The following ADAMTS16 variants were observed in gnomAD, a reference collection of about 807,000 sequenced individuals.
The protein encoded by ADAMTS16 is ADAM metallopeptidase with thrombospondin type 1 motif 16, also known as A disintegrin and metalloproteinase with thrombospondin motifs 16.
Under a neutral mutation model 145.8 loss-of-function variants are expected in ADAMTS16, and 94 were observed. The ratio of observed to expected loss-of-function variants is 0.64; its 90% CI spans 0.55 to 0.77. ADAMTS16 has a LOEUF of 0.77. ADAMTS16 is among the 30% of genes least tolerant of loss of function. The probability of loss-of-function intolerance (pLI) is 0.00; values close to 1 mark genes in which losing one functional copy is unlikely to be tolerated. For missense variants in ADAMTS16, 1,585 were observed against 1,591.5 expected (o/e 1.00, Z 0.07); for synonymous variants, 659 against 604.3 (o/e 1.09, Z -1.33).
chr5:5,255,496 A>T (rs184785349), intron 17 of ADAMTS16, among the ~76,000 whole-genome samples: 18 of 152,378 alleles, frequency 1.2e-4, no homozygotes. Flanking sequence ...CAGATAATCC[A>T]GCACTGGAGC....
chr5:5,182,981 C>T (rs1000479421), intron 4 of ADAMTS16, among the ~76,000 whole-genome samples: 5 of 152,116 alleles, frequency 3.3e-5, no homozygotes, highest in East Asian at 1.9e-4. Flanking sequence ...TTGTTTCCTG[C>T]GTGGTTGGTT....
chr5:5,248,160 T>C (rs1054004736), intron 17 of ADAMTS16, among the ~76,000 whole-genome samples: 14 of 152,230 alleles, frequency 9.2e-5, no homozygotes, highest in African/African-American at 3.4e-4. Context: ...ATTTTTTTTC[T>C]TTTTCTTTAT....
Position 5,319,886 on chromosome 5 carries a change from A to G in ADAMTS16, c.*748A>G, listed in dbSNP as rs1328686634. 2.2e-6 allele frequency: 1 copy of G among 455,782 alleles called. No homozygotes were observed. The highest frequency in any genetic ancestry group is 4.4e-6 in the Non-Finnish European group (1 of 226,788). 28.2% of individuals were successfully genotyped at this position (455,782 alleles called of 1,614,324 possible). A position where few individuals can be genotyped will look rare whatever the true frequency, so the allele number is the denominator to read the frequency against. On this transcript the variant is annotated 3_prime_UTR_variant, in exon 23 of 23. Transcript: ENST00000274181. ...ACTTTATGTTTTATCTTTCTCAGTT[A>G]TTTGCAAGTGAGTGTCCTTTTAAAA...
chr5:5,263,614 G>C (rs1738117307), intron 18 of ADAMTS16, among the ~76,000 whole-genome samples: 1 of 152,230 alleles, frequency 6.6e-6, no homozygotes. Flanking sequence ...AGCAAGCTCT[G>C]TGCAGAGCCC....
chr5:5,168,884 G>C (rs1284701201), intron 3 of ADAMTS16, among the ~76,000 whole-genome samples: 3 of 150,102 alleles, frequency 2.0e-5, no homozygotes, highest in East Asian at 2.0e-4. Context: ...TAACAAGCTG[G>C]GTCAGGAGTA....
intron 11 of ADAMTS16, among the ~76,000 whole-genome samples, chr5:5,231,394 C>T (rs1736918260): frequency 6.6e-6 from 1 of 151,890 alleles, no homozygotes; most frequent in Non-Finnish European, 1.5e-5. Context: ...AATACCTCAA[C>T]TAATAATAGA....
intron 14 of ADAMTS16, among the ~76,000 whole-genome samples, chr5:5,237,990 A>G (rs924418014): frequency 2.6e-5 from 4 of 152,168 alleles, no homozygotes; most frequent in Non-Finnish European, 4.4e-5. Context: ...TACGGAGTCC[A>G]AAAACATCTT....
At chr5:5,318,651 G>A (rs963438986) in intron 22 of ADAMTS16, among the ~76,000 whole-genome samples, 3 of 152,174 alleles carry the variant, frequency 2.0e-5, no homozygotes, top group African/African-American at 7.2e-5. Flanking sequence ...CCCCAGCATT[G>A]CGGAGACAGA....
At chr5:5,307,608 A>C (rs967608991) in intron 21 of ADAMTS16, among the ~76,000 whole-genome samples, 4 of 152,036 alleles carry the variant, frequency 2.6e-5, no homozygotes, top group African/African-American at 9.7e-5. Flanking sequence ...AATGGACAGG[A>C]ATAAGTGCAG....
chr5:5,181,888 C>T (rs1456706932), intron 3 of ADAMTS16, among the ~76,000 whole-genome samples, 156 bp from the exon 4 acceptor site: 1 of 152,206 alleles, frequency 6.6e-6, no homozygotes, highest in Non-Finnish European at 1.5e-5. Context: ...TGCTAATTCT[C>T]AGCCGGGGTT....
intron 9 of ADAMTS16, among the ~76,000 whole-genome samples, chr5:5,200,975 C>T (rs1427140205): frequency 1.3e-5 from 2 of 152,172 alleles, no homozygotes; most frequent in Admixed American, 1.3e-4. Flanking sequence ...AGTTTATATG[C>T]TTGTTCCCTA....
chr5:5,178,813 G>A (rs1032481572), intron 3 of ADAMTS16, among the ~76,000 whole-genome samples: 2 of 152,092 alleles, frequency 1.3e-5, no homozygotes, highest in Non-Finnish European at 2.9e-5. Context: ...ATCTGAAACA[G>A]CTGTGTTGGA....
At chr5:5,257,952 C>A (rs1378999325) in intron 17 of ADAMTS16, among the ~76,000 whole-genome samples, 1 of 152,138 alleles carries the variant, frequency 6.6e-6, no homozygotes, top group Non-Finnish European at 1.5e-5. Context: ...ACTCAAGAAG[C>A]CACTTGATTG....
chr5:5,227,827 C>T (rs1736813851), intron 11 of ADAMTS16, among the ~76,000 whole-genome samples: 1 of 152,256 alleles, frequency 6.6e-6, no homozygotes, highest in South Asian at 2.1e-4. Flanking sequence ...GTCATTATCA[C>T]AGCAAAAGAC....
chr5:5,174,260 A>G (rs1735127472), intron 3 of ADAMTS16, among the ~76,000 whole-genome samples: 1 of 152,118 alleles, frequency 6.6e-6, no homozygotes, highest in South Asian at 2.1e-4. Flanking sequence ...AGCATTGTAA[A>G]TATGTTATGC....
At chr5:5,266,207 C>T (rs913172993) in intron 18 of ADAMTS16, among the ~76,000 whole-genome samples, 9 of 152,106 alleles carry the variant, frequency 5.9e-5, no homozygotes, top group African/African-American at 2.2e-4. Context: ...CTCTGTGAAG[C>T]CCATCTAGAG....
At chr5:5,296,718 G>T (rs558240731) in intron 18 of ADAMTS16, among the ~76,000 whole-genome samples, 1 of 152,138 alleles carries the variant, frequency 6.6e-6, no homozygotes, top group South Asian at 2.1e-4. Flanking sequence ...AGAGCCCCAC[G>T]GCAGCTGCCC....
intron 18 of ADAMTS16, among the ~76,000 whole-genome samples, chr5:5,301,858 C>A (rs1739791074): frequency 6.6e-6 from 1 of 152,212 alleles, no homozygotes. Context: ...ACAGACACAG[C>A]TGCAGGCAGA....
intron 2 of ADAMTS16, among the ~76,000 whole-genome samples, 191 bp from the exon 3 acceptor site, chr5:5,145,939 A>T (rs1405301529): frequency 6.6e-6 from 1 of 151,990 alleles, no homozygotes; most frequent in Non-Finnish European, 1.5e-5. Context: ...CCTTGTTACA[A>T]TTTTTTTCTT....
Sources: allele counts gnomAD v4.1 joint callset (sites outside exome capture counted in the v4.1 genomes callset), GRCh38; gene constraint gnomAD v4.1.1; transcripts MANE v1.5; gene names NCBI Gene and HGNC (gene_info 2026-07-23, HGNC 2026-07-21).